The following DTD1 variants were observed in gnomAD, a reference collection of about 807,000 sequenced individuals.
DTD1 encodes the protein D-tyrosyl-tRNA deacylase 1 homolog.
In DTD1, 13 loss-of-function variants were observed where a neutral mutation model predicts 25.6. The observed-to-expected ratio is 0.51, with a 90% CI of 0.33 to 0.81. The LOEUF is 0.81. Ranked by LOEUF, DTD1 falls within the 30% of genes least tolerant of loss-of-function variation. DTD1 has a pLI of 0.02. For synonymous variants in DTD1, 110 were observed against 103.6 expected, an observed-to-expected ratio of 1.06 and a Z score of -0.37; for missense variants, 193 against 266.4, an observed-to-expected ratio of 0.72 and a Z score of 1.92.
chr20:18,720,546 C>A (rs776932165), intron 4 of DTD1, among the ~76,000 whole-genome samples: 2 of 152,290 alleles, frequency 1.3e-5, no homozygotes, highest in Non-Finnish European at 2.9e-5. Context: ...TATTTCTACT[C>A]CCAACAGGTA....
At chr20:18,656,408 G>A (rs2060891794) in intron 4 of DTD1, among the ~76,000 whole-genome samples, 1 of 152,182 alleles carries the variant, frequency 6.6e-6, no homozygotes, top group African/African-American at 2.4e-5. Flanking sequence ...ACACGGTTTG[G>A]CAAGAGTCTC....
chr20:18,641,406 G>A (rs1230968002), intron 4 of DTD1, among the ~76,000 whole-genome samples: 3 of 152,098 alleles, frequency 2.0e-5, no homozygotes, highest in Non-Finnish European at 2.9e-5. Context: ...AATTTTTTGA[G>A]GAACCACTAT....
intron 4 of DTD1, among the ~76,000 whole-genome samples, chr20:18,673,503 A>G (rs2060958412): frequency 6.6e-6 from 1 of 152,142 alleles, no homozygotes; most frequent in Non-Finnish European, 1.5e-5. Flanking sequence ...ATGATTCTTG[A>G]CCTTTTTAGA....
At chr20:18,719,989 A>G (rs575017430) in intron 4 of DTD1, among the ~76,000 whole-genome samples, 130 of 152,366 alleles carry the variant, frequency 8.5e-4, no homozygotes, top group African/African-American at 2.9e-3. Flanking sequence ...AAGATTCCTT[A>G]CAGAACAAAC....
Position 18,626,350 on chromosome 20 carries a change from G to A in DTD1, c.371-1777G>A, listed in dbSNP as rs182443748. On this transcript the variant is annotated intron_variant, in intron 3 of 5. Transcript: ENST00000377452. Reference sequence around the variant, plus strand: ...AGCTACACAGAGAATCTGCAGGGAGGCACTCTGGTTTACAGCTGTTAGGGC... The same window carrying A: ...AGCTACACAGAGAATCTGCAGGGAGACACTCTGGTTTACAGCTGTTAGGGC... 3.2e-3 allele frequency among the ~76,000 whole-genome samples: 487 copies of A among 152,300 alleles called. 6 individuals are homozygous for A. Among genetic ancestry groups the A allele is most frequent in the Non-Finnish European group, 7.1e-4 (48 of 68,022 alleles).
At chr20:18,715,500 G>A (rs903462281) in intron 4 of DTD1, among the ~76,000 whole-genome samples, 4 of 152,294 alleles carry the variant, frequency 2.6e-5, no homozygotes, top group East Asian at 1.9e-4. Context: ...AGCATCAGAC[G>A]AGACCGGGTG....
chr20:18,591,582 TAAAAG>T, intron 1 of DTD1, among the ~76,000 whole-genome samples: 1 of 152,290 alleles, frequency 6.6e-6, no homozygotes, highest in South Asian at 2.1e-4. Context: ...GATACAATAT[TAAAAG>T]GAAATCATTA....
intron 4 of DTD1, among the ~76,000 whole-genome samples, chr20:18,724,823 A>G (rs1394689398): frequency 6.6e-6 from 1 of 152,240 alleles, no homozygotes; most frequent in African/African-American, 2.4e-5. Context: ...TCTGTGTAAG[A>G]TTTCCAAGAG....
intron 5 of DTD1, among the ~76,000 whole-genome samples, chr20:18,761,192 CG>C (rs1476515928): frequency 3.9e-5 from 6 of 152,106 alleles, no homozygotes; most frequent in Non-Finnish European, 7.4e-5. Flanking sequence ...CCGGGCGAGG[CG>C]ATGCCTCGCC....
intron 4 of DTD1, among the ~76,000 whole-genome samples, chr20:18,677,224 C>T (rs558112915): frequency 1.1e-4 from 17 of 152,082 alleles, no homozygotes; most frequent in Admixed American, 3.3e-4. Context: ...GTTGTTTCTA[C>T]AGACCGAAAG....
chr20:18,687,171 C>G (rs1249908094), intron 4 of DTD1, among the ~76,000 whole-genome samples: 1 of 152,128 alleles, frequency 6.6e-6, no homozygotes, highest in Non-Finnish European at 1.5e-5. Context: ...AAGACCTATG[C>G]CAGGGGGCAA....
At chr20:18,675,954 G>A (rs2060971972) in intron 4 of DTD1, among the ~76,000 whole-genome samples, 1 of 151,758 alleles carries the variant, frequency 6.6e-6, no homozygotes, top group Non-Finnish European at 1.5e-5. Context: ...ATATTGGTAT[G>A]TTTTTGCATA....
At chr20:18,685,832 A>G (rs1235155166) in intron 4 of DTD1, among the ~76,000 whole-genome samples, 1 of 152,230 alleles carries the variant, frequency 6.6e-6, no homozygotes, top group African/African-American at 2.4e-5. Context: ...GAATAGGAGA[A>G]GGGAGAAAGC....
chr20:18,646,107 A>G (rs1164005603), intron 4 of DTD1, among the ~76,000 whole-genome samples: 1 of 152,214 alleles, frequency 6.6e-6, no homozygotes, highest in African/African-American at 2.4e-5. Flanking sequence ...CCAAAGCAGA[A>G]GCGAGGCCTC....
intron 3 of DTD1, among the ~76,000 whole-genome samples, chr20:18,614,137 C>G (rs995462626): frequency 2.0e-5 from 3 of 152,098 alleles, no homozygotes; most frequent in African/African-American, 4.8e-5. Flanking sequence ...TGAGCCTCTT[C>G]TTCTATTGTA....
At chr20:18,687,191 G>A (rs1431475835) in intron 4 of DTD1, among the ~76,000 whole-genome samples, 1 of 152,190 alleles carries the variant, frequency 6.6e-6, no homozygotes, top group Non-Finnish European at 1.5e-5. Context: ...ATCATGCAGA[G>A]GTCTAAGGAA....
intron 3 of DTD1, among the ~76,000 whole-genome samples, chr20:18,608,091 T>C (rs914173022): frequency 4.6e-5 from 7 of 152,118 alleles, no homozygotes; most frequent in African/African-American, 1.4e-4. Context: ...CTTTTTTTTT[T>C]CTTTGGGAAC....
intron 4 of DTD1, among the ~76,000 whole-genome samples, chr20:18,656,834 G>A (rs1227787306): frequency 5.3e-5 from 8 of 152,146 alleles, no homozygotes; most frequent in Non-Finnish European, 1.2e-4. Flanking sequence ...CGGCATCAGA[G>A]CCTTTCAGTA....
intron 4 of DTD1, among the ~76,000 whole-genome samples, chr20:18,691,690 T>C (rs557798806): frequency 7.9e-5 from 12 of 152,314 alleles, no homozygotes; most frequent in African/African-American, 2.6e-4. Flanking sequence ...GATGAGATCA[T>C]CTGTACCATA....
Sources: gnomAD v4.1 joint callset for allele counts (sites outside exome capture counted in the v4.1 genomes callset) on GRCh38, gnomAD v4.1.1 for gene constraint, MANE v1.5 for transcripts, NCBI Gene and HGNC (gene_info 2026-07-23, HGNC 2026-07-21) for gene names.